DSC2: variants seen among roughly 807,000 people sequenced by gnomAD.
DSC2 encodes desmocollin 2.
Under a neutral mutation model 87.6 loss-of-function variants are expected in DSC2, and 51 were observed. The observed-to-expected ratio is 0.58, with a 90% CI of 0.46 to 0.74. The LOEUF (loss-of-function observed/expected upper bound fraction) is 0.74. Ranked by LOEUF, DSC2 falls within the 30% of genes least tolerant of loss-of-function variation. The pLI, the probability that DSC2 is intolerant of heterozygous loss-of-function variation, is 0.00. For missense variants in DSC2, 1,066 were observed against 1,089.5 expected (o/e 0.98, Z 0.30); for synonymous variants, 383 against 393.2 (o/e 0.97, Z 0.31).
chr18:31,078,936 C>A (rs1987110442), intron 11 of DSC2, among the ~76,000 whole-genome samples: 2 of 152,052 alleles, frequency 1.3e-5, no homozygotes, highest in Non-Finnish European at 2.9e-5. Flanking sequence ...ATGCACAGAA[C>A]ATAATTTTAC....
At chr18:31,095,539 G>A (rs1448803271) in intron 1 of DSC2, among the ~76,000 whole-genome samples, 4 of 152,098 alleles carry the variant, frequency 2.6e-5, no homozygotes, top group Non-Finnish European at 4.4e-5. Flanking sequence ...CTAAGAGTGG[G>A]GTAATGGTTA....
chr18:31,088,210 G>C (rs949563704), intron 5 of DSC2, among the ~76,000 whole-genome samples: 9 of 152,132 alleles, frequency 5.9e-5, no homozygotes, highest in African/African-American at 2.2e-4. Context: ...TTGGGATCCT[G>C]TAGGATTACC....
Position 31,059,714 on chromosome 18 carries a change from A to G in DSC2, c.*8301T>C, listed in dbSNP as rs1986464758. On this transcript the variant is annotated 3_prime_UTR_variant, in exon 16 of 16. Transcript: ENST00000280904. ...TTATCACTCAATATCTTAGTGTATT[A>G]CAGATAGTCTCATATTTATTTAAAT... 1 of 152,212 alleles carries G rather than the reference A, an allele frequency of 6.6e-6. No individual in the cohort carries two copies. Among genetic ancestry groups the G allele is most frequent in the Non-Finnish European group, 1.5e-5 (1 of 68,028 alleles). The allele number at this position is 152,212 out of a possible 1,614,324, so 9.4% of individuals were successfully genotyped here. A position where few individuals can be genotyped will look rare whatever the true frequency, so the allele number is the denominator to read the frequency against.
In DSC2 at chr18:31,059,785, A is replaced by G. The variant is rs1302644696; in HGVS notation, c.*8230T>C. The stretch of plus-strand genomic sequence containing the variant: ...AAACCTATCCTAGTTTTAAAATACT[A>G]CTATAGTTTATGTCTTTTCCCATTT... On this transcript the variant is annotated 3_prime_UTR_variant, in exon 16 of 16. Coordinates refer to ENST00000280904, the MANE Select transcript of DSC2 (RefSeq NM_024422.6). The G allele has an allele frequency of 1.3e-5, 2 of 152,310 alleles. No homozygotes were observed. The highest frequency in any genetic ancestry group is 2.1e-4 in the South Asian group (1 of 4,822). The allele number at this position is 152,310 out of a possible 1,614,324, so 9.4% of individuals were successfully genotyped here. A position where few individuals can be genotyped will look rare whatever the true frequency, so the allele number is the denominator to read the frequency against.
At chr18:31,098,741 C>G (rs113414326) in intron 1 of DSC2, among the ~76,000 whole-genome samples, 8 of 152,310 alleles carry the variant, frequency 5.3e-5, no homozygotes, top group African/African-American at 1.4e-4. Flanking sequence ...CAGGCATGAG[C>G]CACTGCACCT....
intron 13 of DSC2, 99 bp downstream of exon 13, chr18:31,071,506 A>G: frequency 2.0e-6 from 2 of 1,023,462 alleles, no homozygotes; most frequent in South Asian, 1.3e-5. Context: ...AGATCACACT[A>G]CTGCACTCCA....
chr18:31,071,348 ACT>A (rs1028656917), intron 13 of DSC2, among the ~76,000 whole-genome samples: 8 of 151,988 alleles, frequency 5.3e-5, no homozygotes, highest in Non-Finnish European at 7.4e-5. Flanking sequence ...GGAGATAGAG[ACT>A]GGCCTGGCCA....
intron 11 of DSC2, among the ~76,000 whole-genome samples, chr18:31,075,910 CT>C (rs913826465): frequency 2.0e-5 from 3 of 151,916 alleles, no homozygotes; most frequent in African/African-American, 7.2e-5. Context: ...AGGATGACGA[CT>C]TTATATAAAG....
chr18:31,061,710 T>C lies in DSC2; in HGVS notation c.*6305A>G, dbSNP rs1169180384. 6.6e-6 allele frequency: 1 copy of C among 152,216 alleles called. No individual in the cohort carries two copies. Among genetic ancestry groups the C allele is most frequent in the Non-Finnish European group, 1.5e-5 (1 of 68,036 alleles). The allele number at this position is 152,216 out of a possible 1,614,324, so 9.4% of individuals were successfully genotyped here. A position where few individuals can be genotyped will look rare whatever the true frequency, so the allele number is the denominator to read the frequency against. On this transcript the variant is annotated 3_prime_UTR_variant, in exon 16 of 16. Coordinates refer to ENST00000280904, the MANE Select transcript of DSC2 (RefSeq NM_024422.6). Reference sequence around the variant, plus strand: ...TATATTGCATGTCTTATTTGAAATATCTAAAGTTTAAAATGCAGCCTCATA... The same window carrying C: ...TATATTGCATGTCTTATTTGAAATACCTAAAGTTTAAAATGCAGCCTCATA...
At chr18:31,101,745 G>GCCCCCCCC in intron 1 of DSC2, 158 bp downstream of exon 1, 1 of 698,248 alleles carries the variant, frequency 1.4e-6, no homozygotes, top group South Asian at 1.8e-5. Flanking sequence ...CTTCCTATCT[G>GCCCCCCCC]CCCTCCCCCA....
At chr18:31,082,881 A>G (rs759037448) in intron 8 of DSC2, 45 bp downstream of exon 8, 2 of 1,603,050 alleles carry the variant, frequency 1.2e-6, no homozygotes, top group Admixed American at 3.3e-5. Context: ...TTAAACAATT[A>G]AAACTGGTCT....
chr18:31,101,497 GCCAGAGGC>G (rs1987949410), intron 1 of DSC2: 1 of 68,532 alleles, frequency 1.5e-5, no homozygotes, highest in African/African-American at 1.5e-4. Flanking sequence ...CGGGGAAGGT[GCCAGAGGC>G]CAGCTGGACG....
chr18:31,078,105 A>G (rs186082404), intron 11 of DSC2, among the ~76,000 whole-genome samples: 1 of 152,320 alleles, frequency 6.6e-6, no homozygotes, highest in East Asian at 1.9e-4. Flanking sequence ...GGAAGTGAGC[A>G]CCAGCCCAAG....
rs765911299 is a variant in DSC2, at chr18:31,082,240, T to G, written c.1261A>C (p.Lys421Gln). The G allele has an allele frequency of 1.2e-6, 2 of 1,612,540 alleles. No individual in the cohort carries two copies. Among genetic ancestry groups the G allele is most frequent in the East Asian group, 4.5e-5 (2 of 44,772 alleles). Residue 421 changes from lysine to glutamine, a missense_variant and splice_region_variant, in exon 9 of 16, where the codon AAG (lysine) becomes CAG (glutamine). Lys to Gln is a moderately conservative substitution (Grantham distance 53). Coordinates refer to ENST00000280904, the MANE Select transcript of DSC2 (RefSeq NM_024422.6). ...ATAATGTTCTAATTTATTCTTACCT[T>G]AACTACACAAAGAACTCCTTCATTG... ...KTNEGVLCVV[K>Q]PLNYEEKQQM...
intron 11 of DSC2, among the ~76,000 whole-genome samples, chr18:31,077,037 G>T (rs1987042052): frequency 6.6e-6 from 1 of 152,030 alleles, no homozygotes; most frequent in African/African-American, 2.4e-5. Flanking sequence ...CAACAAAACT[G>T]AGAGAGTTTA....
At chr18:31,089,361 G>A (rs375682686) in intron 5 of DSC2, 78 bp downstream of exon 5, 1 of 1,550,830 alleles carries the variant, frequency 6.4e-7, no homozygotes, top group Non-Finnish European at 8.9e-7. Flanking sequence ...AGCAGAAAAG[G>A]TTACGTGAAT....
Position 31,082,417 on chromosome 18 carries a change from T to A in DSC2, c.1084A>T (p.Thr362Ser), listed in dbSNP as rs1428685920. The A allele has an allele frequency of 6.2e-7, 1 of 1,613,138 alleles. No individual in the cohort carries two copies. Among genetic ancestry groups the A allele is most frequent in the Non-Finnish European group, 8.5e-7 (1 of 1,179,890 alleles). ...TCAACTGTATTTTCTTCCACTGATG[T>A]CACATACTAAAATAATAAAAGCAAA... is the stretch of plus-strand genomic sequence containing the variant. The part of the protein sequence containing the change: ...LPTFTRTSYV[T>S]SVEENTVDVE... Residue 362 changes from threonine to serine, a missense_variant, in exon 9 of 16, where the codon ACA becomes TCA. Transcript: ENST00000280904.
intron 12 of DSC2, among the ~76,000 whole-genome samples, chr18:31,072,387 G>C (rs1461583992): frequency 1.3e-5 from 2 of 152,188 alleles, no homozygotes; most frequent in African/African-American, 4.8e-5. Flanking sequence ...AGCTGCAGCT[G>C]CATCTCCTGG....
At position 31,067,848 on chromosome 18, in the gene DSC2, T is replaced by C. The variant is rs1986676252; in HGVS notation, c.*167A>G. The C allele has an allele frequency of 3.1e-6, 2 of 653,652 alleles. No individual in the cohort carries two copies. Among genetic ancestry groups the C allele is most frequent in the Non-Finnish European group, 5.2e-6 (2 of 384,390 alleles). The allele number at this position is 653,652 out of a possible 1,614,324, so 40.5% of individuals were successfully genotyped here. On this transcript the variant is annotated 3_prime_UTR_variant, in exon 16 of 16. Coordinates refer to ENST00000280904, the MANE Select transcript of DSC2 (RefSeq NM_024422.6). ...GTAAAAATTGAAAAATTTGTGTACT[T>C]GTTTATAGTGTCTCTCTGTAAATGT...
Sources: allele counts gnomAD v4.1 joint callset (sites outside exome capture counted in the v4.1 genomes callset), GRCh38; gene constraint gnomAD v4.1.1; transcripts MANE v1.5; gene names NCBI Gene and HGNC (gene_info 2026-07-23, HGNC 2026-07-21).